The following OCA2 variants were observed in gnomAD, a reference collection of about 807,000 sequenced individuals.
The protein encoded by OCA2 is OCA2 melanosomal transmembrane protein.
A neutral mutation model predicts 100.2 loss-of-function variants in OCA2; 77 were observed. That is an observed-to-expected ratio of 0.77 (90% CI 0.64 to 0.93). The LOEUF (loss-of-function observed/expected upper bound fraction) is 0.93, where lower values mean the gene tolerates loss of function less well. Among genes scored for constraint, OCA2 ranks in the 40% least tolerant of loss-of-function variants. OCA2 has a pLI of 0.00. For missense variants in OCA2, 1,062 were observed against 1,089.1 expected (o/e 0.98, Z 0.35); for synonymous variants, 432 against 439.2 (o/e 0.98, Z 0.21).
At chr15:27,904,920 T>C (rs2038111761) in intron 19 of OCA2, among the ~76,000 whole-genome samples, 2 of 152,136 alleles carry the variant, frequency 1.3e-5, no homozygotes, top group Admixed American at 6.5e-5. Context: ...TCCCAGCACT[T>C]TGGGAGGCCA....
At chr15:27,794,141 T>G (rs1397400683) in intron 23 of OCA2, among the ~76,000 whole-genome samples, 1 of 152,200 alleles carries the variant, frequency 6.6e-6, no homozygotes, top group African/African-American at 2.4e-5. Context: ...TGTTCCTGGA[T>G]CAGCACCTCT....
intron 23 of OCA2, among the ~76,000 whole-genome samples, chr15:27,762,748 C>A (rs973844423): frequency 1.3e-5 from 2 of 152,226 alleles, no homozygotes; most frequent in Non-Finnish European, 2.9e-5. Context: ...TTATGCCCAA[C>A]CTTTCTGGGC....
Position 27,871,980 on chromosome 15 carries a change from TA to T in OCA2, c.2080-59del, listed in dbSNP as rs536755885. 1.1e-3 allele frequency: 1,425 copies of T among 1,276,878 alleles called. 1 individual carries two copies. The highest frequency in any genetic ancestry group is 0.01 in the African/African-American group (704 of 67,616). The allele number at this position is 1,276,878 out of a possible 1,614,324, so 79.1% of individuals were successfully genotyped here. On this transcript the variant is annotated intron_variant, in intron 19 of 23. Coordinates refer to ENST00000354638, the MANE Select transcript of OCA2 (RefSeq NM_000275.3). The stretch of plus-strand genomic sequence containing the variant: ...TAGAACCGAAAATATATGCAAGATT[TA>T]AAAAAAAAGTCTTGAAAATGAAAAG...
At chr15:27,986,711 G>C (rs2041366655) in intron 11 of OCA2, 68 bp from the exon 12 acceptor site, 1 of 1,033,290 alleles carries the variant, frequency 9.7e-7, no homozygotes, top group Admixed American at 1.7e-5. Context: ...ACATCAGCAT[G>C]ATCCCTTACA....
At chr15:28,056,488 CA>C (rs1427612574) in intron 2 of OCA2, among the ~76,000 whole-genome samples, 1 of 152,236 alleles carries the variant, frequency 6.6e-6, no homozygotes, top group African/African-American at 2.4e-5. Context: ...TAGGACCCTG[CA>C]CTGGGAAAAC....
At chr15:27,879,376 T>C (rs1454029699) in intron 19 of OCA2, among the ~76,000 whole-genome samples, 2 of 152,172 alleles carry the variant, frequency 1.3e-5, no homozygotes, top group African/African-American at 2.4e-5. Context: ...TACCCAGCAA[T>C]GGAATTGCTG....
In OCA2 at chr15:27,846,297, G is replaced by A. The variant is rs148310672; in HGVS notation, c.2339-1245C>T. 2.7e-3 allele frequency among the ~76,000 whole-genome samples: 404 copies of A among 152,128 alleles called. 2 individuals carry two copies. The highest frequency in any genetic ancestry group is 9.3e-3 in the African/African-American group (386 of 41,510). On this transcript the variant is annotated intron_variant, in intron 22 of 23. Transcript: ENST00000354638. ...CACCCTTGCCAAGCCATCTAATGTG[G>A]CCATCATTTCTCACTGTCCGACAAG... is the stretch of plus-strand genomic sequence containing the variant.
At chr15:28,080,715 G>A (rs2044594103) in intron 2 of OCA2, among the ~76,000 whole-genome samples, 1 of 152,194 alleles carries the variant, frequency 6.6e-6, no homozygotes, top group South Asian at 2.1e-4. Context: ...CTGGCTGTGG[G>A]AACGAGGATC....
At chr15:27,953,602 C>T (rs1263334228) in intron 17 of OCA2, among the ~76,000 whole-genome samples, 1 of 152,196 alleles carries the variant, frequency 6.6e-6, no homozygotes, top group African/African-American at 2.4e-5. Context: ...GCTATTGCCA[C>T]AGCCAGTGCA....
intron 23 of OCA2, among the ~76,000 whole-genome samples, chr15:27,805,737 A>T (rs1233594728): frequency 1.3e-5 from 2 of 152,114 alleles, no homozygotes; most frequent in African/African-American, 4.8e-5. Context: ...AGAGGTGCAC[A>T]GTGAGCGCTG....
At chr15:27,789,650 T>A (rs978602567) in intron 23 of OCA2, among the ~76,000 whole-genome samples, 2 of 152,202 alleles carry the variant, frequency 1.3e-5, no homozygotes, top group African/African-American at 4.8e-5. Flanking sequence ...ACTCTGGCTG[T>A]CACATTCCCT....
At chr15:27,781,190 C>T (rs2032521878) in intron 23 of OCA2, among the ~76,000 whole-genome samples, 2 of 152,216 alleles carry the variant, frequency 1.3e-5, no homozygotes, top group South Asian at 2.1e-4. Context: ...ACTCACAGAT[C>T]CCATCTCTAT....
At chr15:27,773,154 CAA>C (rs1036150972) in intron 23 of OCA2, among the ~76,000 whole-genome samples, 3 of 152,132 alleles carry the variant, frequency 2.0e-5, no homozygotes, top group African/African-American at 7.2e-5. Flanking sequence ...TTAATTCTCT[CAA>C]GTTACTCTGA....
chr15:27,955,275 G>C, intron 16 of OCA2, 60 bp from the exon 17 acceptor site: 3 of 1,238,520 alleles, frequency 2.4e-6, no homozygotes, highest in Non-Finnish European at 3.6e-6. Flanking sequence ...TGAGATCGCG[G>C]AGCAGCAGTC....
intron 18 of OCA2, 58 bp from the exon 19 acceptor site, chr15:27,926,312 T>C: frequency 6.3e-7 from 1 of 1,592,946 alleles, no homozygotes; most frequent in Non-Finnish European, 8.6e-7. Flanking sequence ...ACCGATTCAT[T>C]TCTTTAACCT....
At chr15:28,055,105 C>T (rs1289553074) in intron 2 of OCA2, among the ~76,000 whole-genome samples, 3 of 152,190 alleles carry the variant, frequency 2.0e-5, no homozygotes, top group African/African-American at 7.2e-5. Context: ...CAGTTCCTCT[C>T]CAAATGCGTG....
intron 9 of OCA2, 37 bp downstream of exon 9, chr15:28,014,739 G>C: frequency 6.2e-7 from 1 of 1,604,852 alleles, no homozygotes; most frequent in Non-Finnish European, 8.5e-7. Context: ...CCTGACTGTG[G>C]GCCCAGACAG....
intron 19 of OCA2, among the ~76,000 whole-genome samples, chr15:27,922,678 GGGGTGT>G (rs1359997457): frequency 6.7e-4 from 66 of 99,004 alleles, no homozygotes; most frequent in Admixed American, 4.3e-3. Flanking sequence ...TTTTTTGTTT[GGGGTGT>G]GTGTGTGTGT....
the OCA2 span, among the ~76,000 whole-genome samples, chr15:27,734,286 C>CAAAAAAAAA: frequency 1.3e-4 from 10 of 76,364 alleles, no homozygotes; most frequent in East Asian, 7.1e-4. Context: ...TTTTCAAGAG[C>CAAAAAAAAA]AAAAAAAAAA....
Sources: gnomAD v4.1 joint callset for allele counts (sites outside exome capture counted in the v4.1 genomes callset) on GRCh38, gnomAD v4.1.1 for gene constraint, MANE v1.5 for transcripts, NCBI Gene and HGNC (gene_info 2026-07-23, HGNC 2026-07-21) for gene names.